Variants in PTPRT observed in about 807,000 individuals in gnomAD.
PTPRT encodes receptor-type tyrosine-protein phosphatase T.
A neutral mutation model predicts 176.8 loss-of-function variants in PTPRT; 56 were observed. That is an observed-to-expected ratio of 0.32 (90% CI 0.26 to 0.40). The LOEUF (loss-of-function observed/expected upper bound fraction) is 0.40. Ranked by LOEUF, PTPRT falls within the 10% of genes least tolerant of loss-of-function variation. The pLI, the probability that PTPRT is intolerant of heterozygous loss-of-function variation, is 1.00. For missense variants in PTPRT, 1,540 were observed against 1,908.2 expected (o/e 0.81, Z 3.60); for synonymous variants, 783 against 739.0 (o/e 1.06, Z -0.96).
chr20:43,016,274 G>A (rs1985365463), intron 1 of PTPRT, among the ~76,000 whole-genome samples: 1 of 152,176 alleles, frequency 6.6e-6, no homozygotes. Flanking sequence ...GGCTGGCCAT[G>A]CTGCCAAGCA....
chr20:42,057,229 C>A, the PTPRT span, among the ~76,000 whole-genome samples: 1 of 151,990 alleles, frequency 6.6e-6, no homozygotes, highest in African/African-American at 2.4e-5. Flanking sequence ...TGCCTGTCTA[C>A]CTAAAGAAAG....
At chr20:42,380,321 G>A (rs555979201) in intron 9 of PTPRT, among the ~76,000 whole-genome samples, 8 of 152,238 alleles carry the variant, frequency 5.3e-5, no homozygotes, top group African/African-American at 1.9e-4. Flanking sequence ...TTCTGGCACC[G>A]AGATGCATTA....
chr20:43,017,368 C>T (rs144001775), intron 1 of PTPRT, among the ~76,000 whole-genome samples: 4 of 152,072 alleles, frequency 2.6e-5, no homozygotes, highest in Non-Finnish European at 4.4e-5. Flanking sequence ...TCTCTGTTTA[C>T]CCTCACCCTC....
chr20:42,935,988 T>C (rs1980162829), intron 1 of PTPRT, among the ~76,000 whole-genome samples: 1 of 152,228 alleles, frequency 6.6e-6, no homozygotes, highest in African/African-American at 2.4e-5. Context: ...CCTCAGGTAA[T>C]CTGCCTACCT....
At chr20:42,612,583 A>C (rs2073993299) in intron 7 of PTPRT, among the ~76,000 whole-genome samples, 1 of 152,164 alleles carries the variant, frequency 6.6e-6, no homozygotes, top group African/African-American at 2.4e-5. Context: ...TCCTCCTAAA[A>C]GACCTTGTAT....
intron 7 of PTPRT, among the ~76,000 whole-genome samples, chr20:42,641,506 A>G (rs571746256): frequency 3.3e-5 from 5 of 152,264 alleles, no homozygotes; most frequent in Admixed American, 2.0e-4. Flanking sequence ...GAGGGTCTCT[A>G]TCATAGGTCA....
At chr20:42,916,541 C>G (rs1160417083) in intron 1 of PTPRT, among the ~76,000 whole-genome samples, 3 of 152,234 alleles carry the variant, frequency 2.0e-5, no homozygotes, top group Non-Finnish European at 4.4e-5. Context: ...AATCGCCACA[C>G]TGACTTCCAC....
chr20:42,066,876 T>C, the PTPRT span, among the ~76,000 whole-genome samples: 2 of 152,254 alleles, frequency 1.3e-5, no homozygotes, highest in African/African-American at 4.8e-5. Context: ...CAATTTGTTT[T>C]GTTGGATACA....
chr20:42,173,045 A>G (rs1568641476), intron 16 of PTPRT, among the ~76,000 whole-genome samples: 1 of 152,116 alleles, frequency 6.6e-6, no homozygotes, highest in East Asian at 1.9e-4. Context: ...GCACTGTTCA[A>G]TTTTAGAGGG....
chr20:42,335,692 T>A (rs528070176), intron 11 of PTPRT, among the ~76,000 whole-genome samples: 1 of 152,054 alleles, frequency 6.6e-6, no homozygotes, highest in African/African-American at 2.4e-5. Context: ...ATAGAAGAAA[T>A]TGGCAGAAAA....
intron 7 of PTPRT, among the ~76,000 whole-genome samples, chr20:42,637,358 C>T (rs917854064): frequency 1.3e-5 from 2 of 152,090 alleles, no homozygotes; most frequent in Non-Finnish European, 1.5e-5. Flanking sequence ...TTTCTGACAT[C>T]ATCTCCTGCC....
intron 2 of PTPRT, among the ~76,000 whole-genome samples, chr20:42,838,676 C>G (rs1176916790): frequency 2.0e-5 from 3 of 152,186 alleles, no homozygotes; most frequent in South Asian, 2.1e-4. Flanking sequence ...AAATCACATC[C>G]CTTCCCTGAT....
chr20:42,983,321 G>GA, intron 1 of PTPRT, among the ~76,000 whole-genome samples: 1 of 152,190 alleles, frequency 6.6e-6, no homozygotes, highest in Non-Finnish European at 1.5e-5. Flanking sequence ...GTTGAGAAGG[G>GA]AGACCCAGTG....
At chr20:42,926,143 C>T (rs1487497372) in intron 1 of PTPRT, among the ~76,000 whole-genome samples, 4 of 152,226 alleles carry the variant, frequency 2.6e-5, no homozygotes, top group Non-Finnish European at 5.9e-5. Context: ...GGCCATATCC[C>T]ACCTTCAGAC....
chr20:42,070,916 C>A (rs142067921), downstream of PTPRT, among the ~76,000 whole-genome samples: 117 of 151,996 alleles, frequency 7.7e-4, 1 homozygote, highest in African/African-American at 2.0e-3. Flanking sequence ...TTCCTTCTTT[C>A]TAATTTTCTT....
At chr20:42,928,021 G>A (rs895789454) in intron 1 of PTPRT, among the ~76,000 whole-genome samples, 1 of 152,212 alleles carries the variant, frequency 6.6e-6, no homozygotes, top group Non-Finnish European at 1.5e-5. Context: ...GTGTAGCACA[G>A]GGCCTGCCAT....
intron 23 of PTPRT, 130 bp from the exon 24 acceptor site, chr20:42,107,051 T>A: frequency 8.4e-7 from 1 of 1,184,726 alleles, no homozygotes; most frequent in Non-Finnish European, 1.2e-6. Flanking sequence ...CCACATTTCC[T>A]TTCTTAATAT....
At chr20:42,419,407 G>A (rs1166903725) in intron 9 of PTPRT, among the ~76,000 whole-genome samples, 1 of 152,200 alleles carries the variant, frequency 6.6e-6, no homozygotes, top group Non-Finnish European at 1.5e-5. Context: ...GGGAAGGTTA[G>A]ATTTTGGGGG....
At chr20:42,709,569 A>T (rs2076112973) in intron 6 of PTPRT, among the ~76,000 whole-genome samples, 1 of 152,144 alleles carries the variant, frequency 6.6e-6, no homozygotes, top group African/African-American at 2.4e-5. Flanking sequence ...AGCCAAATAG[A>T]CCTTTTTTCT....
Sources: gnomAD v4.1 joint callset for allele counts (sites outside exome capture counted in the v4.1 genomes callset) on GRCh38, gnomAD v4.1.1 for gene constraint, MANE v1.5 for transcripts, NCBI Gene and HGNC (gene_info 2026-07-23, HGNC 2026-07-21) for gene names.